The following DOK5 variants were observed in gnomAD, a reference collection of about 807,000 sequenced individuals.
DOK5 encodes the protein docking protein 5.
DOK5 carries 27 observed loss-of-function variants against 43.3 expected under a neutral mutation model. That is an observed-to-expected ratio of 0.62 (90% CI 0.46 to 0.86). DOK5 has a LOEUF of 0.86. Ranked by LOEUF, DOK5 falls within the 40% of genes least tolerant of loss-of-function variation. The pLI, the probability that DOK5 is intolerant of heterozygous loss-of-function variation, is 0.00. For synonymous variants in DOK5, 146 were observed against 140.1 expected (o/e 1.04, Z -0.30); for missense variants, 373 against 392.9 (o/e 0.95, Z 0.43).
chr20:54,481,120 C>CATCTACCATCT (rs1981692771), intron 1 of DOK5, among the ~76,000 whole-genome samples: 1 of 143,126 alleles, frequency 7.0e-6, no homozygotes, highest in Non-Finnish European at 1.5e-5. Context: ...ATCTATCTAT[C>CATCTACCATCT]ATGTATCTAT....
intron 1 of DOK5, among the ~76,000 whole-genome samples, chr20:54,551,505 G>A (rs559035365): frequency 5.9e-5 from 9 of 152,086 alleles, no homozygotes; most frequent in South Asian, 4.2e-4. Flanking sequence ...TCTTTTTATC[G>A]TTTTATTTGA....
intron 1 of DOK5, among the ~76,000 whole-genome samples, chr20:54,514,229 T>C (rs1983114190): frequency 6.6e-6 from 1 of 152,226 alleles, no homozygotes; most frequent in Non-Finnish European, 1.5e-5. Flanking sequence ...AGATGCCAAC[T>C]TGACATTTTT....
At chr20:54,650,354 C>T in intron 7 of DOK5, 61 bp from the exon 8 acceptor site, 1 of 1,549,940 alleles carries the variant, frequency 6.5e-7, no homozygotes, top group Middle Eastern at 1.7e-4. Context: ...TTGTTGCCAC[C>T]TAATTTGATT....
chr20:54,517,498 C>T (rs1231494171), intron 1 of DOK5, among the ~76,000 whole-genome samples: 1 of 152,034 alleles, frequency 6.6e-6, no homozygotes, highest in African/African-American at 2.4e-5. Context: ...AGCTGGGTGG[C>T]TTTGGGTGAT....
In DOK5 at chr20:54,591,887, C is replaced by A. The variant is rs562307998; in HGVS notation, c.599+82C>A. ...TTTACCATGCTCGCATCATATGAGG[C>A]GGTAGGTTTACATATGAGATCCAGC... On this transcript the variant is annotated intron_variant, in intron 5 of 7. Coordinates refer to ENST00000262593, the MANE Select transcript of DOK5 (RefSeq NM_018431.5). 8 of 1,287,174 alleles carry A rather than the reference C, an allele frequency of 6.2e-6. No individual in the cohort carries two copies. The Admixed American group carries it at 7.4e-5, about 12-fold the overall frequency. 79.7% of individuals were successfully genotyped at this position (1,287,174 alleles called of 1,614,324 possible). A position where few individuals can be genotyped will look rare whatever the true frequency, so the allele number is the denominator to read the frequency against.
intron 5 of DOK5, among the ~76,000 whole-genome samples, chr20:54,599,421 G>A (rs1401135092): frequency 1.3e-5 from 2 of 152,124 alleles, no homozygotes; most frequent in Non-Finnish European, 2.9e-5. Context: ...AATCAGAAGG[G>A]AGCATTCTCT....
intron 1 of DOK5, among the ~76,000 whole-genome samples, chr20:54,523,374 C>A (rs140297247): frequency 1.3e-5 from 2 of 152,162 alleles, no homozygotes; most frequent in Non-Finnish European, 2.9e-5. Flanking sequence ...CGAGACCAGC[C>A]TGACCAACAT....
intron 2 of DOK5, among the ~76,000 whole-genome samples, chr20:54,585,123 A>T (rs1985762496): frequency 1.3e-5 from 2 of 151,956 alleles, no homozygotes; most frequent in South Asian, 4.1e-4. Flanking sequence ...ATTATGAATT[A>T]GTGTAGATTG....
intron 6 of DOK5, among the ~76,000 whole-genome samples, chr20:54,614,550 C>T (rs1986748067): frequency 6.6e-6 from 1 of 152,188 alleles, no homozygotes; most frequent in South Asian, 2.1e-4. Flanking sequence ...GCGGGTTCTG[C>T]ATGCTCATGC....
chr20:54,598,874 ATTTG>A (rs1986222997), intron 5 of DOK5, among the ~76,000 whole-genome samples: 2 of 152,116 alleles, frequency 1.3e-5, no homozygotes, highest in South Asian at 4.1e-4. Context: ...TTAGAAAATA[ATTTG>A]TTTTTTTGTA....
At chr20:54,526,712 T>G (rs543487084) in intron 1 of DOK5, among the ~76,000 whole-genome samples, 40 of 152,320 alleles carry the variant, frequency 2.6e-4, no homozygotes, top group African/African-American at 9.1e-4. Context: ...ACACCTCCAT[T>G]TTCCAATAAT....
intron 1 of DOK5, among the ~76,000 whole-genome samples, chr20:54,539,091 C>T (rs1277636442): frequency 2.6e-5 from 4 of 151,906 alleles, no homozygotes; most frequent in Non-Finnish European, 5.9e-5. Context: ...GACCAGCCTA[C>T]CAGCCTGGCT....
chr20:54,543,211 A>G (rs1984224697), intron 1 of DOK5, among the ~76,000 whole-genome samples: 1 of 152,140 alleles, frequency 6.6e-6, no homozygotes, highest in South Asian at 2.1e-4. Flanking sequence ...AAATGAAGGA[A>G]CAACGTTGAA....
At chr20:54,482,592 G>C (rs1234412706) in intron 1 of DOK5, among the ~76,000 whole-genome samples, 1 of 151,990 alleles carries the variant, frequency 6.6e-6, no homozygotes, top group African/African-American at 2.4e-5. Flanking sequence ...CATCTCCTGG[G>C]TTCAATCAAT....
chr20:54,544,418 G>A (rs1238224367), intron 1 of DOK5, among the ~76,000 whole-genome samples: 1 of 152,236 alleles, frequency 6.6e-6, no homozygotes, highest in South Asian at 2.1e-4. Context: ...AGCACCAACT[G>A]TGAAATCCTG....
At chr20:54,551,018 A>G (rs1984510937) in intron 1 of DOK5, among the ~76,000 whole-genome samples, 1 of 152,188 alleles carries the variant, frequency 6.6e-6, no homozygotes, top group East Asian at 1.9e-4. Flanking sequence ...CCCACCAACT[A>G]TGTATGAGTC....
Position 54,632,593 on chromosome 20 carries a change from G to A in DOK5, c.736-10865G>A, listed in dbSNP as rs553079611. Among the ~76,000 whole-genome samples the A allele has an allele frequency of 2.6e-5, 4 of 152,292 alleles. No individual in the cohort carries two copies. In the South Asian group the frequency reaches 8.3e-4, roughly 32 times the overall value. ...TAAGGGAGATTAAATAATGAGCCTA[G>A]GGTCATGCAGCTATTAGTGGCAGAT... is the stretch of plus-strand genomic sequence containing the variant. On this transcript the variant is annotated intron_variant, in intron 6 of 7. Coordinates refer to ENST00000262593, the MANE Select transcript of DOK5 (RefSeq NM_018431.5).
At chr20:54,646,885 T>G (rs1979456051) in intron 7 of DOK5, among the ~76,000 whole-genome samples, 1 of 136,450 alleles carries the variant, frequency 7.3e-6, no homozygotes, top group South Asian at 2.2e-4. Context: ...CATTGATGAA[T>G]TTCAGGCTTT....
chr20:54,547,542 A>C (rs1181913929), intron 1 of DOK5, among the ~76,000 whole-genome samples: 1 of 152,220 alleles, frequency 6.6e-6, no homozygotes, highest in African/African-American at 2.4e-5. Flanking sequence ...ACTTACCAGA[A>C]TATTCTTTGC....
Sources: gnomAD v4.1 joint callset for allele counts (sites outside exome capture counted in the v4.1 genomes callset) on GRCh38, gnomAD v4.1.1 for gene constraint, MANE v1.5 for transcripts, NCBI Gene and HGNC (gene_info 2026-07-23, HGNC 2026-07-21) for gene names.